SEC24C: variants seen among roughly 807,000 people sequenced by gnomAD.
SEC24C encodes SEC24 homolog C, COPII component, also known as protein transport protein Sec24C.
SEC24C carries 22 observed loss-of-function variants against 117.0 expected under a neutral mutation model. The ratio of observed to expected loss-of-function variants is 0.19; its 90% CI spans 0.13 to 0.27. SEC24C has a LOEUF of 0.27. Ranked by LOEUF, SEC24C falls within the 10% of genes least tolerant of loss-of-function variation. SEC24C has a pLI of 1.00. For synonymous variants in SEC24C, 506 were observed against 529.4 expected (o/e 0.96, Z 0.61); for missense variants, 1,155 against 1,375.1 (o/e 0.84, Z 2.53).
chr10:73,767,496 C>T (rs1016029149), intron 14 of SEC24C, among the ~76,000 whole-genome samples: 2 of 152,012 alleles, frequency 1.3e-5, no homozygotes, highest in Non-Finnish European at 2.9e-5. Flanking sequence ...GGCAAAACCC[C>T]GTCTCTACTA....
chr10:73,745,732 T>G (rs2082539095), intron 1 of SEC24C, among the ~76,000 whole-genome samples: 1 of 151,594 alleles, frequency 6.6e-6, no homozygotes, highest in Non-Finnish European at 1.5e-5. Flanking sequence ...GTATTTTTAG[T>G]AGAGACTGGG....
intron 3 of SEC24C, among the ~76,000 whole-genome samples, chr10:73,758,478 A>G (rs888054720): frequency 2.0e-5 from 3 of 152,234 alleles, no homozygotes; most frequent in Non-Finnish European, 2.9e-5. Flanking sequence ...ATTGACAGAT[A>G]TCACTACAGT....
chr10:73,755,518 A>G (rs2082697308), intron 3 of SEC24C, among the ~76,000 whole-genome samples: 1 of 151,860 alleles, frequency 6.6e-6, no homozygotes, highest in Non-Finnish European at 1.5e-5. Context: ...TCTACTAAAA[A>G]TACAAAAAAT....
Position 73,767,106 on chromosome 10 carries a change from C to A in SEC24C, c.1946C>A (p.Ala649Glu). The A allele has an allele frequency of 1.2e-6, 2 of 1,614,070 alleles. No homozygotes were observed. Among genetic ancestry groups the A allele is most frequent in the Non-Finnish European group, 1.7e-6 (2 of 1,179,980 alleles). ...CTATTCCATACATCCCTGCCCATTG[C>A]AGAGGCCCCAGGGAAACTGAAGAAC... ...LFLFHTSLPI[A>E]EAPGKLKNRD... Residue 649 changes from alanine (A) to glutamate (E), a missense_variant, in exon 14 of 23, where the codon GCA becomes GAA. Physicochemically the swap from Ala to Glu is moderately radical, Grantham distance 107 (BLOSUM62 -1). Coordinates refer to ENST00000345254, the MANE Select transcript of SEC24C (RefSeq NM_198597.3).
rs765819928 is a variant in SEC24C at position 73,771,495 on chromosome 10, G to A, written c.*400G>A. ...TCCTAAGGTTACTACAGGGGGCTCA[G>A]TGTCATCCACAACTTCCTATATTAG... is the stretch of plus-strand genomic sequence containing the variant. On this transcript the variant is annotated 3_prime_UTR_variant, in exon 23 of 23. Transcript: ENST00000345254. The A allele has an allele frequency of 7.0e-5, 13 of 184,904 alleles. No individual in the cohort carries two copies. Among genetic ancestry groups the A allele is most frequent in the Non-Finnish European group, 1.1e-4 (10 of 87,518 alleles). 11.5% of individuals were successfully genotyped at this position (184,904 alleles called of 1,614,324 possible).
chr10:73,769,689 G>A lies in SEC24C; in HGVS notation c.2638G>A (p.Ala880Thr), dbSNP rs1213823475. 16 of 1,614,096 alleles carry A rather than the reference G, an allele frequency of 9.9e-6. No homozygotes were observed. The highest frequency in any genetic ancestry group is 1.3e-5 in the Non-Finnish European group (15 of 1,180,048). ...CATCACCCAGTGTGCCCAGATCCTGGCCTGTTACAGAAAGAACTGTGCTAG... is the reference window on the plus strand; with the variant it reads ...CATCACCCAGTGTGCCCAGATCCTGACCTGTTACAGAAAGAACTGTGCTAG... ...TLITQCAQILACYRKNCASPS... is the reference protein window; with the variant it reads ...TLITQCAQILTCYRKNCASPS... The change falls in exon 19 of 23, where the codon GCC becomes ACC. Residue 880 changes from alanine (A) to threonine (T), a missense_variant. Ala to Thr is a moderately conservative substitution (Grantham distance 58). This residue lies in a region of SEC24C where 759 missense variants were observed against 992.3 expected (regional missense o/e 0.76). Transcript: ENST00000345254. This position sits in a 1 kb window ranked among gnomAD's most constrained non-coding sequence, Gnocchi z 4.5.
rs764850565 is a variant in SEC24C at position 73,760,331 on chromosome 10, A to G, written c.795A>G (p.Gly265=). 4 of 1,611,178 alleles carry G rather than the reference A, an allele frequency of 2.5e-6. No homozygotes were observed. The South Asian group carries it at 4.4e-5, about 18-fold the overall frequency. Residue 265 remains glycine, a synonymous_variant, in exon 5 of 23, where the codon GGA becomes GGG. Coordinates refer to ENST00000345254, the MANE Select transcript of SEC24C (RefSeq NM_198597.3). ...PPGTQMTGPL[G]PLPPMHSPQQ... is the part of the protein sequence containing the mutation. ...GCACCCAGATGACTGGGCCCCTGGG[A>G]CCACTGCCACCTATGCACTCCCCGC... is the stretch of plus-strand genomic sequence containing the variant.
intron 3 of SEC24C, among the ~76,000 whole-genome samples, chr10:73,753,768 C>G: frequency 6.6e-6 from 1 of 152,200 alleles, no homozygotes; most frequent in East Asian, 1.9e-4. Flanking sequence ...ATAAGCTCCA[C>G]CTCTGTCTTC....
chr10:73,759,894 T>G, intron 4 of SEC24C, 100 bp downstream of exon 4: 1 of 1,483,180 alleles, frequency 6.7e-7, no homozygotes, highest in Non-Finnish European at 9.0e-7. Flanking sequence ...GTATTTCCTG[T>G]GCCTCTGAGC....
intron 3 of SEC24C, among the ~76,000 whole-genome samples, chr10:73,758,592 T>C (rs528229010): frequency 1.1e-4 from 17 of 152,220 alleles, no homozygotes; most frequent in Non-Finnish European, 2.1e-4. Context: ...CTTAAGCAAC[T>C]CCTGATCTAC....
chr10:73,748,568 T>G (rs1415215764), intron 2 of SEC24C, among the ~76,000 whole-genome samples: 1 of 150,670 alleles, frequency 6.6e-6, no homozygotes, highest in Non-Finnish European at 1.5e-5. Flanking sequence ...CCCAAGTAGC[T>G]GGGATTACAG....
Position 73,769,736 on chromosome 10 carries a change from G to A in SEC24C, c.2682+3G>A. On this transcript the variant is annotated splice_donor_region_variant and intron_variant, in intron 19 of 22. Transcript: ENST00000345254. This position sits in a 1 kb window ranked among gnomAD's most constrained non-coding sequence, Gnocchi z 4.5. ...CTAGCCCCTCCTCTGCAGGACAGGTGGGGCAAGTATATTAGTGGGAGGTGG... is the reference window on the plus strand; with the variant it reads ...CTAGCCCCTCCTCTGCAGGACAGGTAGGGCAAGTATATTAGTGGGAGGTGG... 2 of 1,614,000 alleles carry A rather than the reference G, an allele frequency of 1.2e-6. No homozygotes were observed. Among genetic ancestry groups the A allele is most frequent in the Non-Finnish European group, 1.7e-6 (2 of 1,179,854 alleles).
chr10:73,767,125 G>C lies in SEC24C; in HGVS notation c.1965G>C (p.Leu655=), dbSNP rs572535648. ...CCATTGCAGAGGCCCCAGGGAAACT[G>C]AAGAACAGAGATGACAGGAAGCTGA... is the stretch of plus-strand genomic sequence containing the variant. ...SLPIAEAPGK[L]KNRDDRKLIN... is the part of the protein sequence containing the mutation. Residue 655 remains leucine, a synonymous_variant, in exon 14 of 23, where the codon CTG becomes CTC. Transcript: ENST00000345254. 182 of 1,614,042 alleles carry C rather than the reference G, an allele frequency of 1.1e-4. 1 individual carries two copies. In the South Asian group the frequency reaches 1.8e-3, roughly 16 times the overall value.
At chr10:73,751,452 G>T (rs2082641222) in intron 3 of SEC24C, among the ~76,000 whole-genome samples, 1 of 152,106 alleles carries the variant, frequency 6.6e-6, no homozygotes, top group African/African-American at 2.4e-5. Context: ...TCCCAGACTT[G>T]GGAGGCTGAG....
rs548902980 is a variant in SEC24C, at chr10:73,762,713, TAG to T, written c.988-774_988-773del. The stretch of plus-strand genomic sequence containing the variant: ...AAGCTTCAACCTTTCTGCTATGGGA[TAG>T]AGTCTTATTTGCCCTTTGCTTTTTC... On this transcript the variant is annotated intron_variant, in intron 6 of 22. Coordinates refer to ENST00000345254, the MANE Select transcript of SEC24C (RefSeq NM_198597.3). 4.8e-3 allele frequency among the ~76,000 whole-genome samples: 728 copies of T among 152,352 alleles called. 8 individuals carry two copies. Among genetic ancestry groups the T allele is most frequent in the African/African-American group, 0.017 (702 of 41,592 alleles).
intron 3 of SEC24C, among the ~76,000 whole-genome samples, chr10:73,753,253 T>C (rs987180575): frequency 7.9e-5 from 12 of 152,190 alleles, no homozygotes; most frequent in Non-Finnish European, 8.8e-5. Flanking sequence ...GGTTTCGCCA[T>C]GTTGGACAGG....
intron 3 of SEC24C, among the ~76,000 whole-genome samples, chr10:73,759,304 G>C (rs995903985): frequency 3.3e-5 from 5 of 152,160 alleles, no homozygotes; most frequent in African/African-American, 1.2e-4. Context: ...CAGGGCTTCA[G>C]ATTACAAAAC....
intron 3 of SEC24C, chr10:73,751,735 G>A (rs998808968): frequency 2.0e-5 from 3 of 151,996 alleles, no homozygotes; most frequent in Admixed American, 6.6e-5. Flanking sequence ...TACTGCTGAC[G>A]TCCAGCCCTG....
At chr10:73,753,788 G>C (rs1313540953) in intron 3 of SEC24C, among the ~76,000 whole-genome samples, 1 of 152,164 alleles carries the variant, frequency 6.6e-6, no homozygotes, top group Non-Finnish European at 1.5e-5. Flanking sequence ...CTTTTTCTTA[G>C]TATTTATCTG....
Sources: allele counts gnomAD v4.1 joint callset (sites outside exome capture counted in the v4.1 genomes callset), GRCh38; gene constraint gnomAD v4.1.1; regional missense constraint gnomAD v4.1.1; non-coding constraint Gnocchi (gnomAD v3.1); transcripts MANE v1.5; gene names NCBI Gene and HGNC (gene_info 2026-07-23, HGNC 2026-07-21).